Variants in UBAC2 observed in about 807,000 individuals in gnomAD.
UBAC2 encodes the protein UBA domain containing 2, also known as ubiquitin-associated domain-containing protein 2.
UBAC2 carries 26 observed loss-of-function variants against 44.0 expected under a neutral mutation model. That is an observed-to-expected ratio of 0.59 (90% CI 0.43 to 0.82). The LOEUF is 0.82. Among genes scored for constraint, UBAC2 ranks in the 40% least tolerant of loss-of-function variants. UBAC2 has a pLI of 0.00. For missense variants in UBAC2, 329 were observed against 419.4 expected (o/e 0.78, Z 1.88); for synonymous variants, 155 against 154.3 (o/e 1.00, Z -0.04).
chr13:99,285,233 T>A (rs955926622), intron 4 of UBAC2, among the ~76,000 whole-genome samples: 3 of 152,112 alleles, frequency 2.0e-5, no homozygotes, highest in African/African-American at 7.2e-5. Flanking sequence ...TGCATTCGAT[T>A]GTGGTGTGTC....
intron 1 of UBAC2, among the ~76,000 whole-genome samples, chr13:99,213,473 G>T (rs2042957288): frequency 1.3e-5 from 2 of 151,860 alleles, no homozygotes; most frequent in African/African-American, 4.8e-5. Context: ...TGATTCTCCT[G>T]CCTCAGCCTC....
At chr13:99,320,434 G>A (rs2044552840) in intron 6 of UBAC2, among the ~76,000 whole-genome samples, 1 of 152,110 alleles carries the variant, frequency 6.6e-6, no homozygotes, top group Non-Finnish European at 1.5e-5. Context: ...AGATAATGTA[G>A]CATTTTAAAG....
In UBAC2 at chr13:99,287,765, G is replaced by A. The variant is rs559266918; in HGVS notation, c.390-26332G>A. Among the ~76,000 whole-genome samples, 13 of 151,142 alleles carry A rather than the reference G, an allele frequency of 8.6e-5. 1 individual carries two copies. In the South Asian group the frequency reaches 2.3e-3, roughly 27 times the overall value. ...CTGCCAAAGTGCTGGGATTATAGGC[G>A]TGAGCCACCACGTGCAGCCTTAACT... On this transcript the variant is annotated intron_variant, in intron 4 of 8. Coordinates refer to ENST00000403766, the MANE Select transcript of UBAC2 (RefSeq NM_001144072.2).
chr13:99,353,140 T>G (rs965961073), intron 7 of UBAC2, among the ~76,000 whole-genome samples: 9 of 152,250 alleles, frequency 5.9e-5, no homozygotes, highest in African/African-American at 2.2e-4. Context: ...AGTTCTTTTA[T>G]GACTTTCTTC....
intron 1 of UBAC2, among the ~76,000 whole-genome samples, chr13:99,202,317 G>C (rs1016866894): frequency 6.6e-6 from 1 of 152,164 alleles, no homozygotes; most frequent in Non-Finnish European, 1.5e-5. Context: ...CAACTACTAA[G>C]TAATCTTCCC....
chr13:99,256,770 A>G (rs937407128), intron 4 of UBAC2, among the ~76,000 whole-genome samples: 5 of 151,670 alleles, frequency 3.3e-5, no homozygotes, highest in Admixed American at 6.6e-5. Context: ...TGCAAATATC[A>G]TTGACTCCTC....
At chr13:99,310,646 T>C (rs1380028637) in intron 4 of UBAC2, among the ~76,000 whole-genome samples, 2 of 152,242 alleles carry the variant, frequency 1.3e-5, no homozygotes, top group South Asian at 2.1e-4. Flanking sequence ...GCCTAGTATT[T>C]AGTCATCATT....
At chr13:99,282,296 A>G (rs2043964324) in intron 4 of UBAC2, among the ~76,000 whole-genome samples, 1 of 152,224 alleles carries the variant, frequency 6.6e-6, no homozygotes, top group African/African-American at 2.4e-5. Context: ...AACCCTGGAA[A>G]GAGTTAGCCC....
At chr13:99,287,408 C>T (rs1040245353) in intron 4 of UBAC2, among the ~76,000 whole-genome samples, 3 of 151,934 alleles carry the variant, frequency 2.0e-5, no homozygotes, top group Non-Finnish European at 2.9e-5. Flanking sequence ...TTGATAATGT[C>T]GTCTTCTTAA....
intron 1 of UBAC2, among the ~76,000 whole-genome samples, chr13:99,214,186 A>T (rs1318449172): frequency 1.3e-5 from 2 of 150,838 alleles, no homozygotes; most frequent in Admixed American, 1.3e-4. Context: ...CTGTTTCTTC[A>T]ATCTTGTATC....
Position 99,295,556 on chromosome 13 carries a change from A to G in UBAC2, c.390-18541A>G. On this transcript the variant is annotated intron_variant, in intron 4 of 8. Coordinates refer to ENST00000403766, the MANE Select transcript of UBAC2 (RefSeq NM_001144072.2). This position sits in a 1 kb window ranked among gnomAD's most constrained non-coding sequence, Gnocchi z 4.1. ...ATATCCTATGAAACATGCCCCAAGC[A>G]GAATCCAGGGAAGAGATTTAGTTTC... The G allele has an allele frequency of 1.2e-6, 2 of 1,614,026 alleles. No individual in the cohort carries two copies. The highest frequency in any genetic ancestry group is 1.7e-6 in the Non-Finnish European group (2 of 1,180,018).
chr13:99,221,265 C>T (rs2043049330), intron 1 of UBAC2, among the ~76,000 whole-genome samples: 1 of 152,172 alleles, frequency 6.6e-6, no homozygotes. Flanking sequence ...ATCTGTGTTG[C>T]AACCTCCACA....
At chr13:99,230,021 T>A (rs888566407) in intron 1 of UBAC2, among the ~76,000 whole-genome samples, 2 of 152,226 alleles carry the variant, frequency 1.3e-5, no homozygotes, top group Non-Finnish European at 2.9e-5. Flanking sequence ...ATTATTTTAT[T>A]CTCTCTGCTT....
chr13:99,374,580 C>T (rs1225371847), intron 8 of UBAC2, among the ~76,000 whole-genome samples: 1 of 152,210 alleles, frequency 6.6e-6, no homozygotes. Context: ...ATTAGAGAAT[C>T]TAAATCTTAA....
intron 4 of UBAC2, among the ~76,000 whole-genome samples, chr13:99,301,069 A>T (rs185052276): frequency 6.6e-6 from 1 of 152,366 alleles, no homozygotes; most frequent in East Asian, 1.9e-4. Flanking sequence ...TGTTAGTTCT[A>T]AATCTTTTTT....
intron 4 of UBAC2, among the ~76,000 whole-genome samples, chr13:99,308,386 A>C (rs1230409704): frequency 6.6e-6 from 1 of 152,186 alleles, no homozygotes; most frequent in East Asian, 1.9e-4. Flanking sequence ...CTCATAGAAA[A>C]GTGTTTACAT....
chr13:99,296,183 G>T, intron 4 of UBAC2: 1 of 1,521,492 alleles, frequency 6.6e-7, no homozygotes, highest in Non-Finnish European at 8.8e-7. Flanking sequence ...AACCAAGAAG[G>T]ATCATATAAG....
intron 1 of UBAC2, among the ~76,000 whole-genome samples, chr13:99,225,022 G>T (rs1236547735): frequency 6.6e-6 from 1 of 152,124 alleles, no homozygotes; most frequent in Non-Finnish European, 1.5e-5. Context: ...ATACTTAATG[G>T]TAATTATCAG....
intron 4 of UBAC2, among the ~76,000 whole-genome samples, chr13:99,292,914 C>T (rs1230470726): frequency 1.3e-5 from 2 of 152,114 alleles, no homozygotes; most frequent in Non-Finnish European, 2.9e-5. Flanking sequence ...AACAATTATA[C>T]AGCCCTGTCC....
Sources: gnomAD v4.1 joint callset for allele counts (sites outside exome capture counted in the v4.1 genomes callset) on GRCh38, gnomAD v4.1.1 for gene constraint, Gnocchi (gnomAD v3.1) non-coding constraint, MANE v1.5 for transcripts, NCBI Gene and HGNC (gene_info 2026-07-23, HGNC 2026-07-21) for gene names.